Variants in ZC3H12D observed in about 807,000 individuals in gnomAD.
ZC3H12D encodes probable ribonuclease ZC3H12D.
In ZC3H12D, 11 loss-of-function variants were observed where a neutral mutation model predicts 24.2. That is an observed-to-expected ratio of 0.46 (90% CI 0.29 to 0.75). ZC3H12D has a LOEUF of 0.75. Among genes scored for constraint, ZC3H12D ranks in the 30% least tolerant of loss-of-function variants. The probability of loss-of-function intolerance (pLI) is 0.11; values close to 1 mark genes in which losing one functional copy is unlikely to be tolerated. For missense variants in ZC3H12D, 740 were observed against 767.7 expected (o/e 0.96, Z 0.43); for synonymous variants, 333 against 341.8 (o/e 0.97, Z 0.28).
rs1175950287 is a variant in ZC3H12D, at chr6:149,450,712, T to C, written c.1555A>G (p.Ser519Gly). Residue 519 changes from serine (S) to glycine (G), a missense_variant, in exon 6 of 6, where the codon AGC (serine) becomes GGC (glycine). Physicochemically the swap from Ser to Gly is moderately conservative, Grantham distance 56 (BLOSUM62 0). Transcript: ENST00000409806. ...GGCTTGCCCAGGGGCGCCCCCGCGCTCTGGCATCTCTGTACCAGGAGGATG... is the reference window on the plus strand; with the variant it reads ...GGCTTGCCCAGGGGCGCCCCCGCGCCCTGGCATCTCTGTACCAGGAGGATG... Reference protein sequence around the residue: ...RLILLVQRCQSAGAPLGKP With the variant: ...RLILLVQRCQGAGAPLGKP 6.5e-7 allele frequency: 1 copy of C among 1,541,206 alleles called. No homozygotes were observed. Among genetic ancestry groups the C allele is most frequent in the African/African-American group, 1.4e-5 (1 of 72,826 alleles).
At position 149,463,688 on chromosome 6, in the gene ZC3H12D, G is replaced by A. The variant is rs529756887; in HGVS notation, c.306-1718C>T. 8.5e-5 allele frequency among the ~76,000 whole-genome samples: 13 copies of A among 152,296 alleles called. No homozygotes were observed. In the East Asian group the frequency reaches 1.7e-3, roughly 20 times the overall value. On this transcript the variant is annotated intron_variant, in intron 2 of 5. Coordinates refer to ENST00000409806, the MANE Select transcript of ZC3H12D (RefSeq NM_207360.3). ...CGCGCCACTGCACTCCAGCTTGGGC[G>A]ACATAGCAAAAATTGACGGTGACTT...
At chr6:149,467,269 AAGAAATGG>A (rs1158445208) in intron 2 of ZC3H12D, among the ~76,000 whole-genome samples, 1 of 151,702 alleles carries the variant, frequency 6.6e-6, no homozygotes, top group African/African-American at 2.4e-5. Flanking sequence ...TTTTTTATTT[AAGAAATGG>A]AGTCTCATTC....
At chr6:149,458,029 T>C (rs1348790150) in intron 3 of ZC3H12D, among the ~76,000 whole-genome samples, 2 of 151,956 alleles carry the variant, frequency 1.3e-5, no homozygotes, top group Admixed American at 6.6e-5. Context: ...ACAACCCTAG[T>C]TTTAGAACTC....
Position 149,474,468 on chromosome 6 carries a change from T to G in ZC3H12D, c.76A>C (p.Lys26Gln). The G allele has an allele frequency of 6.3e-7, 1 of 1,593,136 alleles. No individual in the cohort carries two copies. Among genetic ancestry groups the G allele is most frequent in the East Asian group, 2.3e-5 (1 of 44,332 alleles). Residue 26 changes from lysine to glutamine, a missense_variant, in exon 2 of 6, where the codon AAG becomes CAG. Lys to Gln is a moderately conservative substitution (Grantham distance 53, BLOSUM62 1). Transcript: ENST00000409806. ...DREDVLRVLGKLGEGALVNDV... is the reference protein window; with the variant it reads ...DREDVLRVLGQLGEGALVNDV... ...TTGACCAGGGCGCCCTCGCCCAGCTTGCCCAACACCCGGAGCACATCCTCC... is the reference window on the plus strand; with the variant it reads ...TTGACCAGGGCGCCCTCGCCCAGCTGGCCCAACACCCGGAGCACATCCTCC...
In ZC3H12D at chr6:149,456,611, C is replaced by T; in HGVS notation, c.680+55G>A. ...GTAGCAGGCGTGGCCACTGCCTCGACCCCGGCCCCCCGCCCCGCCGCCCCC... is the reference window on the plus strand; with the variant it reads ...GTAGCAGGCGTGGCCACTGCCTCGATCCCGGCCCCCCGCCCCGCCGCCCCC... On this transcript the variant is annotated intron_variant, in intron 4 of 5. Transcript: ENST00000409806. The surrounding 1 kb of genome is among the most constrained non-coding windows in gnomAD (Gnocchi z 4.3). 4 of 1,147,926 alleles carry T rather than the reference C, an allele frequency of 3.5e-6. No individual in the cohort carries two copies. The South Asian group carries it at 3.9e-5, about 11-fold the overall frequency. The allele number at this position is 1,147,926 out of a possible 1,614,324, so 71.1% of individuals were successfully genotyped here. A position where few individuals can be genotyped will look rare whatever the true frequency, so the allele number is the denominator to read the frequency against.
In ZC3H12D at chr6:149,451,366, C is replaced by A. The variant is rs756896128; in HGVS notation, c.901G>T (p.Ala301Ser). Residue 301 changes from alanine to serine, a missense_variant, in exon 6 of 6, where the codon GCG (alanine) becomes TCG (serine). Physicochemically the swap from Ala to Ser is moderately conservative, Grantham distance 99. Transcript: ENST00000409806. ...GGTGGCCGCTGCTCCTCGGCGCCCG[C>A]GCCAGGCCGGGCCCCTGTCTTGGCG... ...LRAKTGARPG[A>S]GAEEQRPPRA... is the part of the protein sequence containing the mutation. 2 of 1,525,500 alleles carry A rather than the reference C, an allele frequency of 1.3e-6. No homozygotes were observed. The highest frequency in any genetic ancestry group is 2.4e-5 in the South Asian group (2 of 82,808). The allele number at this position is 1,525,500 out of a possible 1,614,324, so 94.5% of individuals were successfully genotyped here. A position where few individuals can be genotyped will look rare whatever the true frequency, so the allele number is the denominator to read the frequency against.
chr6:149,451,380 C>T lies in ZC3H12D; in HGVS notation c.887G>A (p.Gly296Glu). The stretch of plus-strand genomic sequence containing the variant: ...CTCGGCGCCCGCGCCAGGCCGGGCC[C>T]CTGTCTTGGCGCGGAGCTCGTCGGC... The part of the protein sequence containing the change: ...AVADELRAKT[G>E]ARPGAGAEEQ... The change falls in exon 6 of 6, where the codon GGG becomes GAG. Residue 296 changes from glycine (G) to glutamate (E), a missense_variant. Gly to Glu is a moderately conservative substitution (Grantham distance 98, BLOSUM62 -2). Transcript: ENST00000409806. 5.2e-6 allele frequency: 8 copies of T among 1,551,378 alleles called. No individual in the cohort carries two copies. Among genetic ancestry groups the T allele is most frequent in the East Asian group, 2.6e-5 (1 of 38,912 alleles).
Position 149,450,945 on chromosome 6 carries a change from G to T in ZC3H12D, c.1322C>A (p.Pro441His). Residue 441 changes from proline to histidine, a missense_variant, in exon 6 of 6, where the codon CCC (proline) becomes CAC (histidine). By Grantham distance (77) the Pro-to-His change is moderately conservative (BLOSUM62 -2). Transcript: ENST00000409806. ...GCGCCCAGGGAAGCGGTCGGAGCGG[G>T]GTGGACGGGCCCACGGGTCGTCGGG... ...RPPDDPWARP[P>H]RSDRFPGRSV... 6.5e-7 allele frequency: 1 copy of T among 1,537,936 alleles called. No individual in the cohort carries two copies.
chr6:149,462,110 A>C, intron 2 of ZC3H12D, 140 bp from the exon 3 acceptor site: 1 of 1,077,912 alleles, frequency 9.3e-7, no homozygotes, highest in Non-Finnish European at 1.3e-6. Context: ...GTGGTGGCTC[A>C]TGCCTGTAAT....
At chr6:149,479,381 A>T (rs1365848119) in intron 1 of ZC3H12D, among the ~76,000 whole-genome samples, 1 of 152,174 alleles carries the variant, frequency 6.6e-6, no homozygotes, top group African/African-American at 2.4e-5. Context: ...AACTAAATTT[A>T]AAAAACAAAC....
intron 2 of ZC3H12D, among the ~76,000 whole-genome samples, chr6:149,468,803 C>A (rs1023168418): frequency 3.3e-5 from 5 of 152,128 alleles, no homozygotes; most frequent in African/African-American, 1.2e-4. Context: ...CGGTCATAAA[C>A]CCCCACCATT....
intron 2 of ZC3H12D, among the ~76,000 whole-genome samples, chr6:149,464,689 T>C (rs1776123559): frequency 6.6e-6 from 1 of 152,154 alleles, no homozygotes; most frequent in East Asian, 1.9e-4. Context: ...ATGACTCACT[T>C]TAAAAGCTGT....
At position 149,449,425 on chromosome 6, in the gene ZC3H12D, C is replaced by T. The variant is rs1042404046; in HGVS notation, c.*1258G>A. 2.0e-5 allele frequency: 3 copies of T among 151,704 alleles called. No individual in the cohort carries two copies. Among genetic ancestry groups the T allele is most frequent in the Non-Finnish European group, 4.4e-5 (3 of 68,046 alleles). The allele number at this position is 151,704 out of a possible 1,614,324, so 9.4% of individuals were successfully genotyped here. A position where few individuals can be genotyped will look rare whatever the true frequency, so the allele number is the denominator to read the frequency against. On this transcript the variant is annotated 3_prime_UTR_variant, in exon 6 of 6. Coordinates refer to ENST00000409806, the MANE Select transcript of ZC3H12D (RefSeq NM_207360.3). ...CACTACTATACTCCAGACAGAGTGA[C>T]AGAGTGAGACTCTGTCTTTTTTTTT...
chr6:149,462,854 C>G (rs770917295), intron 2 of ZC3H12D, among the ~76,000 whole-genome samples: 4 of 152,178 alleles, frequency 2.6e-5, no homozygotes, highest in African/African-American at 4.8e-5. Flanking sequence ...GCCAGGGGCT[C>G]TTGGGCCTTT....
chr6:149,451,956 C>T (rs150063518), intron 5 of ZC3H12D, among the ~76,000 whole-genome samples: 166 of 152,348 alleles, frequency 1.1e-3, no homozygotes, highest in Non-Finnish European at 2.2e-3. Context: ...CTAACGCTTG[C>T]CCTCACCCTG....
In ZC3H12D at chr6:149,450,848, G is replaced by A. The variant is rs1775877687; in HGVS notation, c.1419C>T (p.Asp473=). 2.6e-6 allele frequency: 4 copies of A among 1,543,954 alleles called. No homozygotes were observed. Among genetic ancestry groups the A allele is most frequent in the African/African-American group, 2.7e-5 (2 of 73,156 alleles). The change falls in exon 6 of 6, where the codon GAC becomes GAT. Residue 473 remains aspartate (D), a synonymous_variant. Coordinates refer to ENST00000409806, the MANE Select transcript of ZC3H12D (RefSeq NM_207360.3). ...GAGCCCGGGCGCGCGCGTCCCCCTC[G>A]TCGTCCTCGGTCGCGTACACTGAAA... ...GGLSVYATED[D]EGDARARARI...
At chr6:149,460,282 GC>G (rs1336642182) in intron 3 of ZC3H12D, among the ~76,000 whole-genome samples, 1 of 152,220 alleles carries the variant, frequency 6.6e-6, no homozygotes, top group African/African-American at 2.4e-5. Flanking sequence ...GGAATGCTCA[GC>G]CAGTAAGCAT....
chr6:149,480,735 TCAAAAAAAA>T (rs1478314343), intron 1 of ZC3H12D, among the ~76,000 whole-genome samples: 2 of 137,390 alleles, frequency 1.5e-5, no homozygotes, highest in Non-Finnish European at 3.0e-5. Flanking sequence ...AAACTCTGTC[TCAAAAAAAA>T]CAAAAAAAAC....
At chr6:149,463,533 AC>A (rs1776107667) in intron 2 of ZC3H12D, among the ~76,000 whole-genome samples, 1 of 152,090 alleles carries the variant, frequency 6.6e-6, no homozygotes, top group Non-Finnish European at 1.5e-5. Flanking sequence ...ACATGGTGAA[AC>A]CCTGTCTCTA....
Sources: gnomAD v4.1 joint callset for allele counts (sites outside exome capture counted in the v4.1 genomes callset) on GRCh38, gnomAD v4.1.1 for gene constraint, Gnocchi (gnomAD v3.1) non-coding constraint, MANE v1.5 for transcripts, NCBI Gene and HGNC (gene_info 2026-07-23, HGNC 2026-07-21) for gene names.